Variants in NOS1 observed in about 807,000 individuals in gnomAD.
The protein encoded by NOS1 is NOS type I.
In NOS1, 51 loss-of-function variants were observed where a neutral mutation model predicts 164.5. The ratio of observed to expected loss-of-function variants is 0.31; its 90% CI spans 0.25 to 0.39. The LOEUF (loss-of-function observed/expected upper bound fraction) is 0.39. Ranked by LOEUF, NOS1 falls within the 10% of genes least tolerant of loss-of-function variation. NOS1 has a pLI of 1.00. For synonymous variants in NOS1, 719 were observed against 745.8 expected, an observed-to-expected ratio of 0.96 and a Z score of 0.59; for missense variants, 1,362 against 1,885.6, an observed-to-expected ratio of 0.72 and a Z score of 5.14.
At position 117,222,710 on chromosome 12, in the gene NOS1, G is replaced by GTAA; in HGVS notation, c.3975+4_3975+5insTTA. 6.2e-7 allele frequency: 1 copy of GTAA among 1,613,560 alleles called. No homozygotes were observed. Among genetic ancestry groups the GTAA allele is most frequent in the South Asian group, 1.1e-5 (1 of 91,048 alleles). On this transcript the variant is annotated splice_donor_region_variant and intron_variant, in intron 26 of 28. Transcript: ENST00000317775. ...TGGGCTAGGGGGTGGGCTGCTGGGGGTTACCTTTGGTTTGTCTGGCTCCCG... is the reference window on the plus strand; with the variant it reads ...TGGGCTAGGGGGTGGGCTGCTGGGGGTAATTACCTTTGGTTTGTCTGGCTCCCG...
chr12:117,327,512 G>A (rs1040251129), intron 2 of NOS1, among the ~76,000 whole-genome samples: 16 of 152,198 alleles, frequency 1.1e-4, no homozygotes, highest in African/African-American at 2.9e-4. Flanking sequence ...GCAGCTCCCT[G>A]AGGCCCGGGT....
intron 4 of NOS1, 147 bp downstream of exon 4, chr12:117,290,151 G>A (rs577590295): frequency 7.1e-5 from 59 of 833,960 alleles, no homozygotes; most frequent in South Asian, 5.6e-4. Context: ...GGAAGGGGGC[G>A]TACTGACATC....
chr12:117,227,386 G>A (rs766597471), intron 23 of NOS1, 45 bp downstream of exon 23: 1 of 1,591,194 alleles, frequency 6.3e-7, no homozygotes, highest in Non-Finnish European at 8.6e-7. Context: ...GAGGCCCCTT[G>A]GGGGAAAATG....
intron 18 of NOS1, among the ~76,000 whole-genome samples, chr12:117,246,927 A>G (rs1037803370): frequency 1.3e-5 from 2 of 152,158 alleles, no homozygotes; most frequent in African/African-American, 4.8e-5. Context: ...ATGTGTGGCT[A>G]GTGGCTACCA....
chr12:117,228,052 A>T (rs1868858619), intron 22 of NOS1, among the ~76,000 whole-genome samples: 1 of 151,822 alleles, frequency 6.6e-6, no homozygotes, highest in Non-Finnish European at 1.5e-5. Flanking sequence ...AAAGAGAGAG[A>T]GAGAAAGAAA....
chr12:117,226,828 T>A (rs1868720142), intron 23 of NOS1, 58 bp from the exon 24 acceptor site: 1 of 1,361,784 alleles, frequency 7.3e-7, no homozygotes, highest in African/African-American at 1.4e-5. Context: ...CGGCCTCCCC[T>A]CCTCCCTCCA....
intron 14 of NOS1, among the ~76,000 whole-genome samples, 177 bp downstream of exon 14, chr12:117,260,288 G>C (rs1481052577): frequency 1.3e-5 from 2 of 152,042 alleles, no homozygotes; most frequent in Non-Finnish European, 2.9e-5. Context: ...GGACTCATGG[G>C]GACAGGGATA....
chr12:117,298,468 A>G (rs1334831437), intron 3 of NOS1, among the ~76,000 whole-genome samples: 1 of 152,132 alleles, frequency 6.6e-6, no homozygotes, highest in African/African-American at 2.4e-5. Context: ...GGACCCCTGT[A>G]TTATGGGCTG....
chr12:117,248,005 C>T (rs538115422), intron 17 of NOS1, among the ~76,000 whole-genome samples: 25 of 151,236 alleles, frequency 1.7e-4, no homozygotes, highest in Admixed American at 3.3e-4. Context: ...CTCTCTCTCT[C>T]TCCTCTCTCT....
In NOS1 at chr12:117,288,067, C is replaced by T. The variant is rs1270898404; in HGVS notation, c.1127+7G>A. The T allele has an allele frequency of 1.9e-6, 3 of 1,613,858 alleles. No individual in the cohort carries two copies. Among genetic ancestry groups the T allele is most frequent in the Non-Finnish European group, 2.5e-6 (3 of 1,179,738 alleles). On this transcript the variant is annotated splice_region_variant and intron_variant, in intron 5 of 28. Transcript: ENST00000317775. ...CCTCGGGCTCCCCGGAATTGACACACACTTGCCTTTTAATTGATGAATAGT... is the reference window on the plus strand; with the variant it reads ...CCTCGGGCTCCCCGGAATTGACACATACTTGCCTTTTAATTGATGAATAGT...
chr12:117,308,463 TGATGGTGCCACTGTACCTTGGCCTG>T (rs921514477), intron 3 of NOS1, among the ~76,000 whole-genome samples: 9 of 151,974 alleles, frequency 5.9e-5, no homozygotes, highest in Non-Finnish European at 1.0e-4. Context: ...GAGTAAGCTA[TGATGGTGCCACTGTACCTTGGCCTG>T]GATGGTGCCA....
chr12:117,310,616 T>C (rs1475217287), intron 3 of NOS1, among the ~76,000 whole-genome samples: 2 of 152,056 alleles, frequency 1.3e-5, no homozygotes, highest in South Asian at 4.1e-4. Flanking sequence ...CAGATAGAGC[T>C]TTTCATCATG....
At chr12:117,237,371 A>T (rs919021752) in intron 20 of NOS1, among the ~76,000 whole-genome samples, 1 of 113,256 alleles carries the variant, frequency 8.8e-6, no homozygotes, top group Non-Finnish European at 1.7e-5. Flanking sequence ...ATTTCAGATG[A>T]TCCACCGCCT....
chr12:117,239,020 C>G (rs1362536848), intron 20 of NOS1, among the ~76,000 whole-genome samples: 1 of 152,134 alleles, frequency 6.6e-6, no homozygotes, highest in East Asian at 1.9e-4. Flanking sequence ...AGTGGTGGGT[C>G]TGAGATGTAG....
Position 117,253,734 on chromosome 12 carries a change from T to C in NOS1, c.2552A>G (p.Asn851Ser), listed in dbSNP as rs752140341. Residue 851 changes from asparagine to serine, a missense_variant, in exon 17 of 29, where the codon AAC becomes AGC. Transcript: ENST00000317775. ...EERKSYKVRFNSVSSYSDSQK... is the reference protein window; with the variant it reads ...EERKSYKVRFSSVSSYSDSQK... ...GGAGTCAGAGTAGGAGGAGACGCTG[T>C]TGAATCGGACCTTGTAGCTCCTGCC... The C allele has an allele frequency of 5.6e-6, 9 of 1,614,010 alleles. No homozygotes were observed. Among genetic ancestry groups the C allele is most frequent in the Non-Finnish European group, 6.8e-6 (8 of 1,179,942 alleles).
intron 26 of NOS1, among the ~76,000 whole-genome samples, chr12:117,221,818 ATTTT>A (rs3070338): frequency 0.018 from 1,954 of 111,578 alleles, 38 homozygotes; most frequent in African/African-American, 0.068. Flanking sequence ...GCTAACTTAA[ATTTT>A]TTTTTTTTTT....
intron 9 of NOS1, among the ~76,000 whole-genome samples, chr12:117,275,814 T>TA (rs1346560040): frequency 6.6e-6 from 1 of 152,172 alleles, no homozygotes; most frequent in Non-Finnish European, 1.5e-5. Flanking sequence ...AATTTTGATT[T>TA]AAAAAATATT....
chr12:117,221,044 G>C (rs1337425827), intron 26 of NOS1, among the ~76,000 whole-genome samples: 1 of 152,044 alleles, frequency 6.6e-6, no homozygotes, highest in Non-Finnish European at 1.5e-5. Flanking sequence ...GGGACCCCCA[G>C]ACCTCCCCAA....
rs562620201 is a variant in NOS1, at chr12:117,303,944, G to A, written c.852+7522C>T. On this transcript the variant is annotated intron_variant, in intron 3 of 28. Transcript: ENST00000317775. ...TTCCAGCACTTTGGGAGGCTGAGGC[G>A]GGTGGATCACAAGGTCAGGAGATTG... Among the ~76,000 whole-genome samples, 173 of 152,266 alleles carry A rather than the reference G, an allele frequency of 1.1e-3. 2 individuals are homozygous for A. Among genetic ancestry groups the A allele is most frequent in the African/African-American group, 3.9e-3 (160 of 41,554 alleles).
Sources: allele counts gnomAD v4.1 joint callset (sites outside exome capture counted in the v4.1 genomes callset), GRCh38; gene constraint gnomAD v4.1.1; transcripts MANE v1.5; gene names NCBI Gene and HGNC (gene_info 2026-07-23, HGNC 2026-07-21).